CCNI2: variants seen among roughly 807,000 people sequenced by gnomAD.
CCNI2 encodes cyclin I family member 2, also known as cyclin-I2.
In CCNI2, 32 loss-of-function variants were observed where a neutral mutation model predicts 33.2. The observed-to-expected ratio is 0.96, with a 90% CI of 0.73 to 1.30. The LOEUF (loss-of-function observed/expected upper bound fraction) is 1.30. CCNI2 is among the 50% of genes most tolerant of loss of function. The pLI is 0.00. For missense variants in CCNI2, 452 were observed against 486.2 expected, an observed-to-expected ratio of 0.93 and a Z score of 0.66; for synonymous variants, 231 against 219.9, an observed-to-expected ratio of 1.05 and a Z score of -0.45.
chr5:132,752,290 C>A, intron 5 of CCNI2, 94 bp downstream of exon 5: 2 of 1,373,112 alleles, frequency 1.5e-6, no homozygotes, highest in South Asian at 3.0e-5. Flanking sequence ...CCCTTGTAGC[C>A]TCTGGAAAAT....
At position 132,749,355 on chromosome 5, in the gene CCNI2, A is replaced by C; in HGVS notation, c.566A>C (p.Glu189Ala). 6.2e-7 allele frequency: 1 copy of C among 1,613,286 alleles called. No individual in the cohort carries two copies. Among genetic ancestry groups the C allele is most frequent in the Non-Finnish European group, 8.5e-7 (1 of 1,179,176 alleles). The stretch of plus-strand genomic sequence containing the variant: ...GTTTGTTCCATACTGCAGGTAAAAG[A>C]GAAATACCTGCATTGCGCCACAATT... ...GRLLISVKVK[E>A]KYLHCATITS... The change falls in exon 3 of 6, where the codon GAG becomes GCG. Residue 189 changes from glutamate (E) to alanine (A), a missense_variant. Physicochemically the swap from Glu to Ala is moderately radical, Grantham distance 107. Coordinates refer to ENST00000378731, the MANE Select transcript of CCNI2 (RefSeq NM_001039780.4).
downstream of CCNI2, among the ~76,000 whole-genome samples, chr5:132,755,359 C>A (rs1056143175): frequency 1.3e-5 from 2 of 152,182 alleles, no homozygotes; most frequent in South Asian, 4.1e-4. Flanking sequence ...CTCAGGTCCA[C>A]CAGCCCACAC....
Position 132,754,289 on chromosome 5 carries a change from G to A in CCNI2, c.*1319G>A, listed in dbSNP as rs1176360303. On this transcript the variant is annotated 3_prime_UTR_variant, in exon 6 of 6. Coordinates refer to ENST00000378731, the MANE Select transcript of CCNI2 (RefSeq NM_001039780.4). ...CTAGTCCAGAACCCATTTTACAGATGGAGATGCTGAGGCCATGCTGCTCAC... is the reference window on the plus strand; with the variant it reads ...CTAGTCCAGAACCCATTTTACAGATAGAGATGCTGAGGCCATGCTGCTCAC... 1 of 653,526 alleles carries A rather than the reference G, an allele frequency of 1.5e-6. No homozygotes were observed. Among genetic ancestry groups the A allele is most frequent in the East Asian group, 2.7e-5 (1 of 36,762 alleles). The allele number at this position is 653,526 out of a possible 1,614,324, so 40.5% of individuals were successfully genotyped here.
Position 132,754,306 on chromosome 5 carries a change from G to A in CCNI2, c.*1336G>A, listed in dbSNP as rs1300194613. 1.2e-5 allele frequency: 8 copies of A among 678,848 alleles called. No homozygotes were observed. Among genetic ancestry groups the A allele is most frequent in the Non-Finnish European group, 2.2e-5 (8 of 366,312 alleles). 42.1% of individuals were successfully genotyped at this position (678,848 alleles called of 1,614,324 possible). ...TTACAGATGGAGATGCTGAGGCCAT[G>A]CTGCTCACAGCTTCCAGTGGTGGCC... On this transcript the variant is annotated 3_prime_UTR_variant, in exon 6 of 6. Coordinates refer to ENST00000378731, the MANE Select transcript of CCNI2 (RefSeq NM_001039780.4).
At chr5:132,751,449 T>G (rs1332064065) in intron 4 of CCNI2, 2 of 182,202 alleles carry the variant, frequency 1.1e-5, no homozygotes, top group Non-Finnish European at 2.3e-5. Context: ...AGTTTGTATT[T>G]GTTTTAGTTG....
chr5:132,752,119 G>T lies in CCNI2; in HGVS notation c.928G>T (p.Val310Phe). 6.3e-7 allele frequency: 1 copy of T among 1,598,768 alleles called. No homozygotes were observed. Among genetic ancestry groups the T allele is most frequent in the Non-Finnish European group, 8.5e-7 (1 of 1,172,180 alleles). The change falls in exon 5 of 6, where the codon GTC (valine) becomes TTC (phenylalanine). Residue 310 changes from valine to phenylalanine, a missense_variant. Coordinates refer to ENST00000378731, the MANE Select transcript of CCNI2 (RefSeq NM_001039780.4). ...GTTCAAGGGCTCCACACTGGCCTTG[G>T]TCATCATCACCTTAGAGCTGGAGAG... is the stretch of plus-strand genomic sequence containing the variant. Reference protein sequence around the residue: ...LQFKGSTLALVIITLELERLM... With the variant: ...LQFKGSTLALFIITLELERLM...
intron 2 of CCNI2, 112 bp downstream of exon 2, chr5:132,748,587 A>G: frequency 7.5e-7 from 1 of 1,336,330 alleles, no homozygotes; most frequent in Middle Eastern, 2.4e-4. Context: ...CAAGGTGTAT[A>G]AACTAACTTG....
downstream of CCNI2, among the ~76,000 whole-genome samples, chr5:132,755,598 T>G (rs1755253169): frequency 6.6e-6 from 1 of 152,134 alleles, no homozygotes; most frequent in African/African-American, 2.4e-5. Flanking sequence ...AGGATGAGGA[T>G]TAGAGGAGTT....
At chr5:132,754,483 T>A (rs1170061283), downstream of CCNI2, 1 of 717,364 alleles carries the variant, frequency 1.4e-6, no homozygotes, top group Non-Finnish European at 2.6e-6. Context: ...TGGCTATGGA[T>A]GTGAGCTGGA....
At position 132,752,285 on chromosome 5, in the gene CCNI2, G is replaced by A. The variant is rs937577790; in HGVS notation, c.1005+89G>A. On this transcript the variant is annotated intron_variant, in intron 5 of 5. Transcript: ENST00000378731. ...CCCCAAAGGGGTACCCTTTGCCCTTGTAGCCTCTGGAAAATGTTCTGGCCA... is the reference window on the plus strand; with the variant it reads ...CCCCAAAGGGGTACCCTTTGCCCTTATAGCCTCTGGAAAATGTTCTGGCCA... 2.2e-6 allele frequency: 3 copies of A among 1,387,078 alleles called. No individual in the cohort carries two copies. In the Admixed American group the frequency reaches 7.9e-5, roughly 36 times the overall value. The allele number at this position is 1,387,078 out of a possible 1,614,324, so 85.9% of individuals were successfully genotyped here.
Position 132,754,304 on chromosome 5 carries a change from A to G in CCNI2, c.*1334A>G, listed in dbSNP as rs935743957. The G allele has an allele frequency of 8.8e-6, 6 of 678,348 alleles. No homozygotes were observed. The highest frequency in any genetic ancestry group is 1.7e-5 in the South Asian group (1 of 59,964). 42.0% of individuals were successfully genotyped at this position (678,348 alleles called of 1,614,324 possible). On this transcript the variant is annotated 3_prime_UTR_variant, in exon 6 of 6. Transcript: ENST00000378731. ...TTTTACAGATGGAGATGCTGAGGCC[A>G]TGCTGCTCACAGCTTCCAGTGGTGG...
At chr5:132,752,603 C>T (rs1754945881) in intron 5 of CCNI2, among the ~76,000 whole-genome samples, 1 of 152,098 alleles carries the variant, frequency 6.6e-6, no homozygotes, top group Non-Finnish European at 1.5e-5. Context: ...TACCATGAGG[C>T]AAGCATTGTG....
chr5:132,749,888 T>G (rs1209013681), intron 3 of CCNI2, among the ~76,000 whole-genome samples: 2 of 152,118 alleles, frequency 1.3e-5, no homozygotes, highest in Non-Finnish European at 2.9e-5. Flanking sequence ...GGCCATGTGC[T>G]GGGGGTAAAG....
rs1754716848 is a variant in CCNI2 at position 132,749,431 on chromosome 5, C to A, written c.633+9C>A. ...TTAATGAAGAAGAGGAGGTATGCAT[C>A]CTTGGAAGTCCACACTGGGCTGCAC... On this transcript the variant is annotated intron_variant, in intron 3 of 5. Transcript: ENST00000378731. The A allele has an allele frequency of 1.2e-6, 2 of 1,611,082 alleles. No individual in the cohort carries two copies. Among genetic ancestry groups the A allele is most frequent in the East Asian group, 2.2e-5 (1 of 44,884 alleles).
At chr5:132,749,229 C>G (rs1215839117) in intron 2 of CCNI2, 119 bp from the exon 3 acceptor site, 3 of 773,590 alleles carry the variant, frequency 3.9e-6, no homozygotes, top group Non-Finnish European at 4.3e-6. Context: ...GCACTCCAGC[C>G]TGGGCAACAG....
chr5:132,748,688 C>T (rs895309948), intron 2 of CCNI2, among the ~76,000 whole-genome samples: 8 of 152,026 alleles, frequency 5.3e-5, no homozygotes, highest in Admixed American at 3.3e-4. Context: ...ACTTGGGGAG[C>T]GTGAGAGGAC....
rs573364783 is a variant in CCNI2 at position 132,753,063 on chromosome 5, A to G, written c.*93A>G. The stretch of plus-strand genomic sequence containing the variant: ...TTCTTTGGCTTGTTATGAATCCTGT[A>G]AAAAGGGAAGGTGGCTCTGGAAGAG... On this transcript the variant is annotated 3_prime_UTR_variant, in exon 6 of 6. Transcript: ENST00000378731. 5 of 1,022,984 alleles carry G rather than the reference A, an allele frequency of 4.9e-6. No homozygotes were observed. The highest frequency in any genetic ancestry group is 2.8e-5 in the South Asian group (2 of 72,382). The allele number at this position is 1,022,984 out of a possible 1,614,324, so 63.4% of individuals were successfully genotyped here.
chr5:132,751,095 G>A (rs1357704052), intron 4 of CCNI2, 98 bp downstream of exon 4: 8 of 1,389,092 alleles, frequency 5.8e-6, no homozygotes, highest in Admixed American at 2.1e-5. Flanking sequence ...GCGTGCACAC[G>A]CCCTTGCACA....
chr5:132,750,626 G>A (rs2149936418), intron 3 of CCNI2, among the ~76,000 whole-genome samples: 1 of 152,296 alleles, frequency 6.6e-6, no homozygotes, highest in African/African-American at 2.4e-5. Context: ...TGCAGCTGGG[G>A]GATCAAGACC....
Sources: gnomAD v4.1 joint callset for allele counts (sites outside exome capture counted in the v4.1 genomes callset) on GRCh38, gnomAD v4.1.1 for gene constraint, MANE v1.5 for transcripts, NCBI Gene and HGNC (gene_info 2026-07-23, HGNC 2026-07-21) for gene names.